The following PARP8 variants were observed in gnomAD, a reference collection of about 807,000 sequenced individuals.
PARP8 encodes poly(ADP-ribose) polymerase family member 8.
In PARP8, 51 loss-of-function variants were observed where a neutral mutation model predicts 124.1. The observed-to-expected ratio is 0.41, with a 90% CI of 0.33 to 0.52. The LOEUF (loss-of-function observed/expected upper bound fraction) is 0.52. Ranked by LOEUF, PARP8 falls within the 20% of genes least tolerant of loss-of-function variation. The pLI, the probability that PARP8 is intolerant of heterozygous loss-of-function variation, is 0.21. For missense variants in PARP8, 860 were observed against 1,018.9 expected (o/e 0.84, Z 2.12); for synonymous variants, 391 against 361.5 (o/e 1.08, Z -0.93).
intron 14 of PARP8, among the ~76,000 whole-genome samples, chr5:50,804,708 A>G (rs1163129241): frequency 6.6e-6 from 1 of 152,192 alleles, no homozygotes; most frequent in Non-Finnish European, 1.5e-5. Context: ...ACATTGTTCT[A>G]GAACAGCGGT....
chr5:50,788,841 C>A (rs1278171883), intron 10 of PARP8, among the ~76,000 whole-genome samples: 1 of 152,126 alleles, frequency 6.6e-6, no homozygotes, highest in Admixed American at 6.5e-5. Flanking sequence ...CTGCTCTCTA[C>A]CTGGGGAGGC....
In PARP8 at chr5:50,698,701, G is replaced by C. The variant is rs114291998; in HGVS notation, c.146+30576G>C. Reference sequence around the variant, plus strand: ...TTTATCCCTTCTCTTAATGGATTGAGAACCCACTGGAAAAACTAAAAGTGA... The same window carrying C: ...TTTATCCCTTCTCTTAATGGATTGACAACCCACTGGAAAAACTAAAAGTGA... On this transcript the variant is annotated intron_variant, in intron 2 of 25. Coordinates refer to ENST00000281631, the MANE Select transcript of PARP8 (RefSeq NM_024615.4). Among the ~76,000 whole-genome samples the C allele has an allele frequency of 5.5e-3, 844 of 152,158 alleles. 7 individuals carry two copies. The highest frequency in any genetic ancestry group is 0.019 in the African/African-American group (791 of 41,528).
At chr5:50,732,222 A>G (rs1757040875) in intron 2 of PARP8, among the ~76,000 whole-genome samples, 1 of 152,226 alleles carries the variant, frequency 6.6e-6, no homozygotes, top group Admixed American at 6.5e-5. Flanking sequence ...AATACGATAC[A>G]TAGTAATTTA....
intron 20 of PARP8, 27 bp downstream of exon 20, chr5:50,828,083 G>T: frequency 6.8e-7 from 1 of 1,478,354 alleles, no homozygotes; most frequent in Non-Finnish European, 9.5e-7. Context: ...GTTAATGGGG[G>T]TGTGCTCCCA....
rs1554047144 is a variant in PARP8 at position 50,709,955 on chromosome 5, T to TAC, written c.147-40192_147-40191dup. ...ATATATATATATATATATATATATA[T>TAC]ACACATACATATATACACACACACA... On this transcript the variant is annotated intron_variant, in intron 2 of 25. Transcript: ENST00000281631. 1.5e-3 allele frequency among the ~76,000 whole-genome samples: 160 copies of TAC among 103,308 alleles called. 1 individual carries two copies. The highest frequency in any genetic ancestry group is 5.2e-3 in the African/African-American group (153 of 29,614). 67.8% of individuals were successfully genotyped at this position (103,308 alleles called of 152,430 possible).
At chr5:50,812,573 G>A (rs1032804334) in intron 14 of PARP8, among the ~76,000 whole-genome samples, 8 of 151,954 alleles carry the variant, frequency 5.3e-5, no homozygotes, top group Admixed American at 3.9e-4. Context: ...AGTTTCTTTT[G>A]CTGTGCAGAA....
At chr5:50,825,014 C>A in intron 18 of PARP8, 39 bp downstream of exon 18, 1 of 1,478,774 alleles carries the variant, frequency 6.8e-7, no homozygotes, top group South Asian at 1.2e-5. Context: ...AAAACAGCAT[C>A]CTTTTCTACT....
chr5:50,739,345 A>G (rs950596283), intron 2 of PARP8, among the ~76,000 whole-genome samples: 2 of 149,668 alleles, frequency 1.3e-5, no homozygotes, highest in Admixed American at 1.3e-4. Flanking sequence ...TTGGATGTCC[A>G]TTACAGATTT....
chr5:50,842,290 C>T lies in PARP8; in HGVS notation c.*222C>T, dbSNP rs1748262302. On this transcript the variant is annotated 3_prime_UTR_variant, in exon 26 of 26. Transcript: ENST00000281631. Reference sequence around the variant, plus strand: ...ATGGAATCTAGTAATAAAATTTCAACAGCACTTAAACTGAAGTTTGGGTTG... The same window carrying T: ...ATGGAATCTAGTAATAAAATTTCAATAGCACTTAAACTGAAGTTTGGGTTG... 2 of 351,070 alleles carry T rather than the reference C, an allele frequency of 5.7e-6. No individual in the cohort carries two copies. The highest frequency in any genetic ancestry group is 4.2e-5 in the South Asian group (1 of 23,844). 21.7% of individuals were successfully genotyped at this position (351,070 alleles called of 1,614,324 possible).
chr5:50,754,790 A>T (rs1263010289), intron 3 of PARP8, among the ~76,000 whole-genome samples: 1 of 152,232 alleles, frequency 6.6e-6, no homozygotes, highest in Non-Finnish European at 1.5e-5. Context: ...ACTAGTTTAC[A>T]GTCCCACCAA....
chr5:50,718,666 CT>C (rs1286311545), intron 2 of PARP8, among the ~76,000 whole-genome samples: 1 of 151,870 alleles, frequency 6.6e-6, no homozygotes, highest in Non-Finnish European at 1.5e-5. Context: ...TATTTTATGG[CT>C]GAATAGTTTC....
intron 2 of PARP8, among the ~76,000 whole-genome samples, chr5:50,702,199 T>A (rs1282723147): frequency 1.3e-5 from 2 of 152,164 alleles, no homozygotes; most frequent in African/African-American, 4.8e-5. Flanking sequence ...AAATCTTTTT[T>A]AATTACACTA....
chr5:50,829,006 C>A (rs1746654475), intron 21 of PARP8, among the ~76,000 whole-genome samples: 1 of 152,106 alleles, frequency 6.6e-6, no homozygotes, highest in African/African-American at 2.4e-5. Context: ...AAAGTAAAAT[C>A]ATACAGGCAT....
chr5:50,696,146 C>T (rs755677568), intron 2 of PARP8, among the ~76,000 whole-genome samples: 19 of 152,200 alleles, frequency 1.2e-4, no homozygotes, highest in Admixed American at 2.6e-4. Context: ...AGGATTAAGG[C>T]GAGTCAAACT....
chr5:50,811,759 C>T (rs1251867586), intron 14 of PARP8, among the ~76,000 whole-genome samples: 5 of 152,100 alleles, frequency 3.3e-5, no homozygotes, highest in African/African-American at 1.2e-4. Context: ...CTGCAACAAG[C>T]CCTGGTGTGT....
intron 2 of PARP8, among the ~76,000 whole-genome samples, chr5:50,678,198 C>T (rs7723361): frequency 0.9 from 137,203 of 152,190 alleles, 61,904 homozygotes; most frequent in East Asian, 1. Context: ...ACAAAAATTC[C>T]CTGCCTACTA....
In PARP8 at chr5:50,828,051, A is replaced by T. The variant is rs368150922; in HGVS notation, c.2085A>T (p.Ala695=). 1 of 1,595,800 alleles carries T rather than the reference A, an allele frequency of 6.3e-7. No homozygotes were observed. Among genetic ancestry groups the T allele is most frequent in the African/African-American group, 1.3e-5 (1 of 74,456 alleles). Residue 695 remains alanine (A), a synonymous_variant, in exon 20 of 26, where the codon GCA becomes GCT. Transcript: ENST00000281631. ...AAKKLFGSTF[A]FHGSHIENWH... ...AAAAACTCTTTGGAAGCACCTTTGC[A>T]TTTCAGTGAGTAAGGCTTAATGTTA...
At chr5:50,717,343 G>A (rs1455559854) in intron 2 of PARP8, among the ~76,000 whole-genome samples, 4 of 151,940 alleles carry the variant, frequency 2.6e-5, no homozygotes, top group Non-Finnish European at 5.9e-5. Flanking sequence ...GATATAGGGG[G>A]CAAAGGAAAG....
At position 50,730,461 on chromosome 5, in the gene PARP8, G is replaced by A. The variant is rs139239451; in HGVS notation, c.147-19690G>A. Among the ~76,000 whole-genome samples the A allele has an allele frequency of 7.5e-3, 1,139 of 152,226 alleles. 14 individuals carry two copies. Among genetic ancestry groups the A allele is most frequent in the African/African-American group, 0.026 (1,069 of 41,524 alleles). ...GGAAAAGCCCTTTGTAAAACCATCA[G>A]ATCTCAAGAGAACTCACTCACTATT... On this transcript the variant is annotated intron_variant, in intron 2 of 25. Coordinates refer to ENST00000281631, the MANE Select transcript of PARP8 (RefSeq NM_024615.4).
Sources: allele counts gnomAD v4.1 joint callset (sites outside exome capture counted in the v4.1 genomes callset), GRCh38; gene constraint gnomAD v4.1.1; transcripts MANE v1.5; gene names NCBI Gene and HGNC (gene_info 2026-07-23, HGNC 2026-07-21).